MYT1: variants seen among roughly 807,000 people sequenced by gnomAD.
The protein encoded by MYT1 is myelin transcription factor 1, also known as myelin transcription factor I.
Under a neutral mutation model 123.0 loss-of-function variants are expected in MYT1, and 23 were observed. The ratio of observed to expected loss-of-function variants is 0.19; its 90% CI spans 0.13 to 0.26. The LOEUF (loss-of-function observed/expected upper bound fraction) is 0.26. Among genes scored for constraint, MYT1 ranks in the 10% least tolerant of loss-of-function variants. MYT1 has a pLI of 1.00. For synonymous variants in MYT1, 518 were observed against 575.3 expected, an observed-to-expected ratio of 0.90 and a Z score of 1.43; for missense variants, 1,125 against 1,472.5, an observed-to-expected ratio of 0.76 and a Z score of 3.86.
At chr20:64,238,798 T>C (rs921562995) in intron 21 of MYT1, among the ~76,000 whole-genome samples, 2 of 152,214 alleles carry the variant, frequency 1.3e-5, no homozygotes, top group African/African-American at 4.8e-5. Context: ...CCAAAACCAA[T>C]CTTTTTAAAG....
intron 22 of MYT1, 135 bp from the exon 23 acceptor site, chr20:64,240,185 G>T: frequency 1.6e-6 from 2 of 1,269,120 alleles, no homozygotes; most frequent in Admixed American, 2.3e-5. Context: ...AGAGAGGAAC[G>T]CCCAGTGCTG....
chr20:64,208,063 G>A lies in MYT1; in HGVS notation c.867G>A (p.Glu289=), dbSNP rs544053715. ...EEEEEEEEEE[E]EEEEEEEEEE... ...AGGAGGAGGAAGAGGAAGAGGAGGAGGAGGAAGAGGAAGAGGAGGAGGAAG... is the reference window on the plus strand; with the variant it reads ...AGGAGGAGGAAGAGGAAGAGGAGGAAGAGGAAGAGGAAGAGGAGGAGGAAG... Residue 289 remains glutamate (E), a synonymous_variant, in exon 7 of 23, where the codon GAG becomes GAA. Coordinates refer to ENST00000328439, the MANE Select transcript of MYT1 (RefSeq NM_004535.3). This position sits in a 1 kb window ranked among gnomAD's most constrained non-coding sequence, Gnocchi z 5.4. The A allele has an allele frequency of 1.4e-5, 23 of 1,602,802 alleles. No homozygotes were observed. In the South Asian group the frequency reaches 2.3e-4, roughly 16 times the overall value.
intron 4 of MYT1, among the ~76,000 whole-genome samples, chr20:64,201,090 A>G (rs574921706): frequency 1.4e-4 from 22 of 152,226 alleles, no homozygotes; most frequent in Non-Finnish European, 2.6e-4. Flanking sequence ...ACGGAGGAGA[A>G]TCCCAGGCGA....
In MYT1 at chr20:64,185,119, C is replaced by T. The variant is rs1195000667; in HGVS notation, c.-98-4944C>T. Among the ~76,000 whole-genome samples, 2 of 151,994 alleles carry T rather than the reference C, an allele frequency of 1.3e-5. No individual in the cohort carries two copies. Among genetic ancestry groups the T allele is most frequent in the African/African-American group, 4.8e-5 (2 of 41,364 alleles). ...AGGGGGCTGGGCAGGGGCGTGAGGT[C>T]CAAAGAGACTGTGTTTTTAAACATG... On this transcript the variant is annotated intron_variant, in intron 1 of 22. Transcript: ENST00000328439. This position sits in a 1 kb window ranked among gnomAD's most constrained non-coding sequence, Gnocchi z 4.5.
chr20:64,238,383 C>T (rs3003146), intron 21 of MYT1, among the ~76,000 whole-genome samples: 24,955 of 151,232 alleles, frequency 0.17, 2,786 homozygotes, highest in African/African-American at 0.31. Flanking sequence ...GCTCTTGTCT[C>T]TACTGGCAAA....
At position 64,208,466 on chromosome 20, in the gene MYT1, C is replaced by T. The variant is rs367833923; in HGVS notation, c.1270C>T (p.Arg424Trp). The change falls in exon 7 of 23, where the codon CGG becomes TGG. Residue 424 changes from arginine to tryptophan, a missense_variant. Transcript: ENST00000328439. The surrounding 1 kb of genome is among the most constrained non-coding windows in gnomAD (Gnocchi z 5.4). ...GGCAGCAAAGCCCCTGGACACTGTGCGGAAGAGTTACTACAGTAAAGGTAG... is the reference window on the plus strand; with the variant it reads ...GGCAGCAAAGCCCCTGGACACTGTGTGGAAGAGTTACTACAGTAAAGGTAG... ...GKAAKPLDTV[R>W]KSYYSKDPSR... The T allele has an allele frequency of 4.7e-5, 76 of 1,607,172 alleles. No homozygotes were observed. Among genetic ancestry groups the T allele is most frequent in the Middle Eastern group, 1.7e-4 (1 of 6,044 alleles).
intron 18 of MYT1, among the ~76,000 whole-genome samples, chr20:64,230,488 G>A (rs1984287392): frequency 6.6e-6 from 1 of 152,198 alleles, no homozygotes; most frequent in African/African-American, 2.4e-5. Context: ...ACTCCGGCCT[G>A]GGCAACAAGA....
At chr20:64,220,638 C>A (rs1435839361) in intron 13 of MYT1, among the ~76,000 whole-genome samples, 3 of 152,260 alleles carry the variant, frequency 2.0e-5, no homozygotes, top group Non-Finnish European at 2.9e-5. Flanking sequence ...GCTGTGAGGG[C>A]AGCCCAGGGT....
chr20:64,239,894 T>A lies in MYT1; in HGVS notation c.3228T>A (p.Leu1076=), dbSNP rs1307954121. 1.2e-6 allele frequency: 2 copies of A among 1,612,780 alleles called. No homozygotes were observed. Among genetic ancestry groups the A allele is most frequent in the African/African-American group, 2.7e-5 (2 of 74,932 alleles). Residue 1076 remains leucine, a synonymous_variant, in exon 22 of 23, where the codon CTT becomes CTA. Coordinates refer to ENST00000328439, the MANE Select transcript of MYT1 (RefSeq NM_004535.3). ...TCCAAAGTCTCGCCAATATCCGCCTTCCGCACATGGTAGGCAGCACGCGGG... is the reference window on the plus strand; with the variant it reads ...TCCAAAGTCTCGCCAATATCCGCCTACCGCACATGGTAGGCAGCACGCGGG... The part of the protein sequence containing the change: ...ALIQSLANIR[L]PHMEPICEQN...
chr20:64,200,781 T>C (rs1983273570), intron 4 of MYT1, among the ~76,000 whole-genome samples: 2 of 152,174 alleles, frequency 1.3e-5, no homozygotes, highest in African/African-American at 4.8e-5. Context: ...CTGAATCGCA[T>C]GTGCTACTTG....
In MYT1 at chr20:64,219,754, G is replaced by A. The variant is rs771141699; in HGVS notation, c.2013G>A (p.Leu671=). Residue 671 remains leucine (L), a synonymous_variant, in exon 13 of 23, where the codon TTG becomes TTA. Transcript: ENST00000328439. ...TAGACGAAAATGGAACCCTGGACTT[G>A]AGCATGCACAAACACCGCAAACGAG... ...IEVDENGTLD[L]SMHKHRKREN... is the part of the protein sequence containing the mutation. The A allele has an allele frequency of 5.6e-6, 9 of 1,614,014 alleles. No individual in the cohort carries two copies. In the South Asian group the frequency reaches 8.8e-5, roughly 16 times the overall value.
chr20:64,205,598 T>C lies in MYT1; in HGVS notation c.195T>C (p.Ala65=). The C allele has an allele frequency of 6.2e-7, 1 of 1,614,158 alleles. No homozygotes were observed. Among genetic ancestry groups the C allele is most frequent in the South Asian group, 1.1e-5 (1 of 91,084 alleles). ...CCAAGAAGAGGAAGCTGGAGGGCGCTGAGGCTGAGCACCTGGTGTCCAAGA... is the reference window on the plus strand; with the variant it reads ...CCAAGAAGAGGAAGCTGGAGGGCGCCGAGGCTGAGCACCTGGTGTCCAAGA... ...PLAKKRKLEG[A]EAEHLVSKRK... The change falls in exon 6 of 23, where the codon GCT becomes GCC. Residue 65 remains alanine, a synonymous_variant. Coordinates refer to ENST00000328439, the MANE Select transcript of MYT1 (RefSeq NM_004535.3).
At position 64,232,015 on chromosome 20, in the gene MYT1, C is replaced by A; in HGVS notation, c.2676-149C>A. Reference sequence around the variant, plus strand: ...CGGAAGGGCCAGTTCTTCCCTGAGGCTCCAGGACCTCAGCGGCCCTCCCTG... The same window carrying A: ...CGGAAGGGCCAGTTCTTCCCTGAGGATCCAGGACCTCAGCGGCCCTCCCTG... On this transcript the variant is annotated intron_variant, in intron 18 of 22. Transcript: ENST00000328439. The surrounding 1 kb of genome is among the most constrained non-coding windows in gnomAD (Gnocchi z 6.9). 1 of 732,374 alleles carries A rather than the reference C, an allele frequency of 1.4e-6. No homozygotes were observed. The highest frequency in any genetic ancestry group is 2.2e-6 in the Non-Finnish European group (1 of 447,926). 45.4% of individuals were successfully genotyped at this position (732,374 alleles called of 1,614,324 possible). A position where few individuals can be genotyped will look rare whatever the true frequency, so the allele number is the denominator to read the frequency against.
chr20:64,202,025 C>CGGGAACCCCTCGCGTGTT lies in MYT1; in HGVS notation c.86+2112_86+2113insTCGCGTGTTGGGAACCCC, dbSNP rs1983334687. Among the ~76,000 whole-genome samples, 4 of 151,494 alleles carry CGGGAACCCCTCGCGTGTT rather than the reference C, an allele frequency of 2.6e-5. 1 individual carries two copies. The highest frequency in any genetic ancestry group is 9.7e-5 in the African/African-American group (4 of 41,358). On this transcript the variant is annotated intron_variant, in intron 4 of 22. Coordinates refer to ENST00000328439, the MANE Select transcript of MYT1 (RefSeq NM_004535.3). The surrounding 1 kb of genome is among the most constrained non-coding windows in gnomAD (Gnocchi z 5.0). ...CGCGTGTCGGGAACCCCTCGCGTGT[C>CGGGAACCCCTCGCGTGTT]GGGAACCCCCGCGTGTCGGGAACCT... is the stretch of plus-strand genomic sequence containing the variant.
At chr20:64,176,241 T>C (rs201131845) in intron 1 of MYT1, among the ~76,000 whole-genome samples, 2 of 47,414 alleles carry the variant, frequency 4.2e-5, no homozygotes, top group Non-Finnish European at 8.3e-5. Flanking sequence ...CTGCAGCATC[T>C]TTCCCTGTAG....
intron 1 of MYT1, among the ~76,000 whole-genome samples, chr20:64,184,242 G>A (rs1390090839): frequency 6.6e-6 from 1 of 152,094 alleles, no homozygotes; most frequent in Admixed American, 6.6e-5. Context: ...CCCAGAGTCG[G>A]AAAGATTTAC....
Position 64,208,260 on chromosome 20 carries a change from A to T in MYT1, c.1064A>T (p.Asp355Val). ...CGCTCGGATGATGACAAGGACGAGG[A>T]CACCCACTCCCGGAAGTCAACAGTC... ...EVRSDDDKDEDTHSRKSTVTD... is the reference protein window; with the variant it reads ...EVRSDDDKDEVTHSRKSTVTD... Residue 355 changes from aspartate to valine, a missense_variant, in exon 7 of 23, where the codon GAC becomes GTC. Around this residue, in one of 4 missense-constraint regions of MYT1, gnomAD observed 429 missense variants for 604.1 expected, o/e 0.71. Coordinates refer to ENST00000328439, the MANE Select transcript of MYT1 (RefSeq NM_004535.3). This position sits in a 1 kb window ranked among gnomAD's most constrained non-coding sequence, Gnocchi z 5.4. The T allele has an allele frequency of 6.2e-7, 1 of 1,614,124 alleles. No homozygotes were observed. Among genetic ancestry groups the T allele is most frequent in the Non-Finnish European group, 8.5e-7 (1 of 1,180,026 alleles).
chr20:64,227,587 A>G (rs1244526078), intron 17 of MYT1, 110 bp downstream of exon 17: 1 of 994,524 alleles, frequency 1.0e-6, no homozygotes, highest in African/African-American at 1.6e-5. Flanking sequence ...GTCCATTCCC[A>G]TCTCTTTAAT....
At chr20:64,207,376 C>T (rs1983511528) in intron 6 of MYT1, among the ~76,000 whole-genome samples, 1 of 152,196 alleles carries the variant, frequency 6.6e-6, no homozygotes, top group African/African-American at 2.4e-5. Flanking sequence ...TGACCTGCCT[C>T]CTAAAATATA....
Sources: allele counts gnomAD v4.1 joint callset (sites outside exome capture counted in the v4.1 genomes callset), GRCh38; gene constraint gnomAD v4.1.1; regional missense constraint gnomAD v4.1.1; non-coding constraint Gnocchi (gnomAD v3.1); transcripts MANE v1.5; gene names NCBI Gene and HGNC (gene_info 2026-07-23, HGNC 2026-07-21).